FOXP2: variants seen among roughly 807,000 people sequenced by gnomAD.
The protein encoded by FOXP2 is forkhead box protein P2.
A neutral mutation model predicts 115.8 loss-of-function variants in FOXP2; 12 were observed. The observed-to-expected ratio is 0.10, with a 90% confidence interval of 0.07 to 0.17. The LOEUF (loss-of-function observed/expected upper bound fraction) is 0.17. FOXP2 is among the 10% of genes least tolerant of loss of function. The pLI, the probability that FOXP2 is intolerant of heterozygous loss-of-function variation, is 1.00. For synonymous variants in FOXP2, 328 were observed against 297.7 expected, an observed-to-expected ratio of 1.10 and a Z score of -1.05; for missense variants, 629 against 843.5, an observed-to-expected ratio of 0.75 and a Z score of 3.15.
chr7:114,164,525 T>C (rs1283504132), intron 1 of FOXP2, among the ~76,000 whole-genome samples: 3 of 151,858 alleles, frequency 2.0e-5, no homozygotes, highest in Non-Finnish European at 4.4e-5. Flanking sequence ...TTTGTATTTT[T>C]AGTAGAGATG....
chr7:114,538,254 C>A, intron 3 of FOXP2: 1 of 1,077,938 alleles, frequency 9.3e-7, no homozygotes, highest in Non-Finnish European at 1.3e-6. Context: ...AATTTTCTAG[C>A]CTATGACAAA....
chr7:114,282,935 G>A (rs1035336695), intron 1 of FOXP2, among the ~76,000 whole-genome samples: 2 of 152,148 alleles, frequency 1.3e-5, no homozygotes, highest in African/African-American at 4.8e-5. Context: ...GTAAATTTTA[G>A]TAGGAATAAT....
chr7:114,520,190 A>C (rs1368227249), intron 2 of FOXP2, among the ~76,000 whole-genome samples: 8 of 152,152 alleles, frequency 5.3e-5, no homozygotes, highest in African/African-American at 1.9e-4. Context: ...CTGTAAAACA[A>C]TGACATTATT....
chr7:114,590,448 C>G (rs1267534875), intron 3 of FOXP2, among the ~76,000 whole-genome samples: 1 of 152,158 alleles, frequency 6.6e-6, no homozygotes, highest in Non-Finnish European at 1.5e-5. Context: ...AAGCCCCTCA[C>G]AGGGTTATAG....
At chr7:114,393,706 T>C (rs1792666393) in intron 2 of FOXP2, among the ~76,000 whole-genome samples, 1 of 151,832 alleles carries the variant, frequency 6.6e-6, no homozygotes, top group Non-Finnish European at 1.5e-5. Flanking sequence ...GGAACCCAGG[T>C]TGAGAGAAGA....
At position 114,111,822 on chromosome 7, in the gene FOXP2, T is replaced by C. The variant is rs1258423334; in HGVS notation, c.-247+23984T>C. Among the ~76,000 whole-genome samples the C allele has an allele frequency of 2.0e-5, 3 of 152,080 alleles. No homozygotes were observed. In the East Asian group the frequency reaches 5.8e-4, roughly 29 times the overall value. ...GGTGAGCTGCTTCGAAAAACTTCAC[T>C]TATCCATGTGGATGAGAAATTGGAT... is the stretch of plus-strand genomic sequence containing the variant. On this transcript the variant is annotated intron_variant, in intron 1 of 19. Transcript: ENST00000635638.
intron 2 of FOXP2, 98 bp from the exon 3 acceptor site, chr7:114,534,519 A>G: frequency 1.0e-6 from 1 of 952,812 alleles, no homozygotes; most frequent in South Asian, 1.3e-5. Flanking sequence ...GGAATATGGG[A>G]GTTCTTGTAC....
chr7:114,491,736 C>A (rs925787617), intron 2 of FOXP2, among the ~76,000 whole-genome samples: 2 of 152,124 alleles, frequency 1.3e-5, no homozygotes, highest in African/African-American at 2.4e-5. Context: ...TATGTTGAAC[C>A]AGCCTTGCAT....
At chr7:114,239,442 T>G (rs1795096907) in intron 1 of FOXP2, among the ~76,000 whole-genome samples, 1 of 152,194 alleles carries the variant, frequency 6.6e-6, no homozygotes, top group Non-Finnish European at 1.5e-5. Context: ...TATGGGTATT[T>G]TTATTTTGGT....
chr7:114,380,959 G>A (rs2129191691), intron 2 of FOXP2, among the ~76,000 whole-genome samples: 1 of 152,304 alleles, frequency 6.6e-6, no homozygotes, highest in African/African-American at 2.4e-5. Flanking sequence ...GAAAAGTCTT[G>A]CCCCATTGGC....
intron 1 of FOXP2, among the ~76,000 whole-genome samples, chr7:114,231,225 T>C (rs1272470644): frequency 6.6e-6 from 1 of 152,000 alleles, no homozygotes; most frequent in Admixed American, 6.6e-5. Flanking sequence ...ACTGAAAGAA[T>C]TGAAGAGACA....
intron 1 of FOXP2, among the ~76,000 whole-genome samples, chr7:114,181,828 A>G (rs546387846): frequency 1.3e-5 from 2 of 152,212 alleles, no homozygotes; most frequent in African/African-American, 2.4e-5. Flanking sequence ...AATATAGAAA[A>G]TAAATATTTG....
chr7:114,269,020 A>G (rs1342603845), intron 1 of FOXP2, among the ~76,000 whole-genome samples: 8 of 152,190 alleles, frequency 5.3e-5, no homozygotes, highest in African/African-American at 1.7e-4. Flanking sequence ...GGCTAGCTGA[A>G]TATATTATAA....
upstream of FOXP2, chr7:114,414,181 A>T (rs770474175): frequency 2.0e-5 from 3 of 152,124 alleles, no homozygotes; most frequent in African/African-American, 7.2e-5. Context: ...TTTCATGCTT[A>T]TGGGGTCCAC....
chr7:114,398,284 G>T (rs1792793608), intron 2 of FOXP2, among the ~76,000 whole-genome samples: 1 of 151,856 alleles, frequency 6.6e-6, no homozygotes, highest in African/African-American at 2.4e-5. Context: ...CCAAAATTAT[G>T]CAAGTATTAA....
intron 2 of FOXP2, among the ~76,000 whole-genome samples, chr7:114,351,836 T>C (rs1791497342): frequency 6.6e-6 from 1 of 152,084 alleles, no homozygotes; most frequent in South Asian, 2.1e-4. Context: ...AAAAAGCCCA[T>C]GTCTTTGAAA....
chr7:114,223,196 G>A (rs975247583), intron 1 of FOXP2, among the ~76,000 whole-genome samples: 52 of 151,912 alleles, frequency 3.4e-4, no homozygotes, highest in Admixed American at 6.6e-5. Context: ...TTCAAAAATG[G>A]ATGCATCAGT....
chr7:114,499,236 A>C, intron 2 of FOXP2: 1 of 300,656 alleles, frequency 3.3e-6, no homozygotes. Flanking sequence ...GGAGGATTGC[A>C]TGCAGGATAC....
chr7:114,113,605 G>C (rs1436474124), intron 1 of FOXP2, among the ~76,000 whole-genome samples: 1 of 152,130 alleles, frequency 6.6e-6, no homozygotes, highest in African/African-American at 2.4e-5. Context: ...CCTGGCACAA[G>C]TGATCCTCCT....
Sources: allele counts gnomAD v4.1 joint callset (sites outside exome capture counted in the v4.1 genomes callset), GRCh38; gene constraint gnomAD v4.1.1; transcripts MANE v1.5; gene names NCBI Gene and HGNC (gene_info 2026-07-23, HGNC 2026-07-21).